Variants in SLC39A9 observed in about 807,000 individuals in gnomAD.
SLC39A9 encodes the protein zinc transporter ZIP9.
SLC39A9 carries 14 observed loss-of-function variants against 28.4 expected under a neutral mutation model. That is an observed-to-expected ratio of 0.49 (90% CI 0.33 to 0.77). The LOEUF is 0.77. Ranked by LOEUF, SLC39A9 falls within the 30% of genes least tolerant of loss-of-function variation. SLC39A9 has a pLI of 0.02. For missense variants in SLC39A9, 283 were observed against 381.1 expected (o/e 0.74, Z 2.14); for synonymous variants, 119 against 149.6 (o/e 0.80, Z 1.49).
chr14:69,447,522 A>G (rs570499288), intron 3 of SLC39A9, among the ~76,000 whole-genome samples: 1 of 152,270 alleles, frequency 6.6e-6, no homozygotes, highest in Admixed American at 6.5e-5. Flanking sequence ...AACGAAGAGA[A>G]ACTCAGCCCC....
chr14:69,461,286 A>C lies in SLC39A9; in HGVS notation c.*2693A>C, dbSNP rs1347286757. The C allele has an allele frequency of 1.0e-6, 1 of 996,744 alleles. No individual in the cohort carries two copies. Among genetic ancestry groups the C allele is most frequent in the African/African-American group, 1.7e-5 (1 of 57,724 alleles). The allele number at this position is 996,744 out of a possible 1,614,324, so 61.7% of individuals were successfully genotyped here. A position where few individuals can be genotyped will look rare whatever the true frequency, so the allele number is the denominator to read the frequency against. On this transcript the variant is annotated 3_prime_UTR_variant, in exon 7 of 7. Coordinates refer to ENST00000336643, the MANE Select transcript of SLC39A9 (RefSeq NM_018375.5). ...ATTCCAAGTGCTCTCTTAAATGGCA[A>C]ATTAAGTTAAAGAATACTACTGCTC...
At chr14:69,432,856 T>C (rs560529908) in intron 2 of SLC39A9, among the ~76,000 whole-genome samples, 7 of 152,336 alleles carry the variant, frequency 4.6e-5, no homozygotes, top group Non-Finnish European at 1.0e-4. Context: ...TATATGGCTT[T>C]ATTTCTGGGT....
Position 69,424,163 on chromosome 14 carries a change from C to T in SLC39A9, c.166C>T (p.Pro56Ser). 3 of 1,613,746 alleles carry T rather than the reference C, an allele frequency of 1.9e-6. No homozygotes were observed. The highest frequency in any genetic ancestry group is 2.5e-6 in the Non-Finnish European group (3 of 1,179,768). ...LCGTALAVIV[P>S]EGVHALYEDI... ...TGGAACTGCTCTGGCAGTCATCGTGCCTGAAGGAGTACATGCCCTTTATGA... is the reference window on the plus strand; with the variant it reads ...TGGAACTGCTCTGGCAGTCATCGTGTCTGAAGGAGTACATGCCCTTTATGA... The change falls in exon 2 of 7, where the codon CCT becomes TCT. Residue 56 changes from proline (P) to serine (S), a missense_variant. Physicochemically the swap from Pro to Ser is moderately conservative, Grantham distance 74. Coordinates refer to ENST00000336643, the MANE Select transcript of SLC39A9 (RefSeq NM_018375.5).
chr14:69,456,006 T>C, intron 6 of SLC39A9, 140 bp downstream of exon 6: 4 of 974,858 alleles, frequency 4.1e-6, no homozygotes, highest in Non-Finnish European at 5.9e-6. Context: ...ACAGGGTAAA[T>C]ATCTTAATTC....
intron 3 of SLC39A9, among the ~76,000 whole-genome samples, chr14:69,443,075 A>T (rs1020108000): frequency 7.9e-5 from 12 of 152,188 alleles, no homozygotes; most frequent in Admixed American, 3.3e-4. Flanking sequence ...AAGATCAATG[A>T]ATTTATCTTT....
At chr14:69,402,343 A>G (rs1882685477) in intron 1 of SLC39A9, among the ~76,000 whole-genome samples, 1 of 152,186 alleles carries the variant, frequency 6.6e-6, no homozygotes, top group Admixed American at 6.5e-5. Flanking sequence ...GAGTTGGACA[A>G]GCTTGATTTA....
At chr14:69,420,643 C>T (rs1396420703) in intron 1 of SLC39A9, among the ~76,000 whole-genome samples, 5 of 152,188 alleles carry the variant, frequency 3.3e-5, no homozygotes, top group Non-Finnish European at 7.3e-5. Flanking sequence ...ACCAATCAAA[C>T]GTAGATTTGG....
At chr14:69,403,494 A>T (rs1405763215) in intron 1 of SLC39A9, among the ~76,000 whole-genome samples, 1 of 152,208 alleles carries the variant, frequency 6.6e-6, no homozygotes, top group Non-Finnish European at 1.5e-5. Context: ...CTGGTAAAGG[A>T]TCAGTTTTTG....
intron 1 of SLC39A9, among the ~76,000 whole-genome samples, chr14:69,419,381 T>A (rs913190683): frequency 6.6e-6 from 1 of 152,234 alleles, no homozygotes; most frequent in Non-Finnish European, 1.5e-5. Flanking sequence ...TATTGTGATT[T>A]CTGTTCTTTT....
rs1333747159 is a variant in SLC39A9, at chr14:69,460,615, T to A, written c.*2022T>A. 1.0e-6 allele frequency: 1 copy of A among 985,370 alleles called. No individual in the cohort carries two copies. Among genetic ancestry groups the A allele is most frequent in the Non-Finnish European group, 1.2e-6 (1 of 829,962 alleles). The allele number at this position is 985,370 out of a possible 1,614,324, so 61.0% of individuals were successfully genotyped here. Reference sequence around the variant, plus strand: ...TGTGTGCAATGGTAATTTGTTCTACTGGCCAAAGCCTCTTTCAGCAGTGCC... The same window carrying A: ...TGTGTGCAATGGTAATTTGTTCTACAGGCCAAAGCCTCTTTCAGCAGTGCC... On this transcript the variant is annotated 3_prime_UTR_variant, in exon 7 of 7. Coordinates refer to ENST00000336643, the MANE Select transcript of SLC39A9 (RefSeq NM_018375.5).
chr14:69,457,252 G>A lies in SLC39A9; in HGVS notation c.694-1111G>A, dbSNP rs146753617. ...GGAATCTTGCCTGTCACCCAGGCTG[G>A]AGTACAATGGCGCAATCTTGGCTCA... On this transcript the variant is annotated intron_variant, in intron 6 of 6. Coordinates refer to ENST00000336643, the MANE Select transcript of SLC39A9 (RefSeq NM_018375.5). 2.9e-3 allele frequency among the ~76,000 whole-genome samples: 442 copies of A among 152,012 alleles called. 2 individuals carry two copies. Among genetic ancestry groups the A allele is most frequent in the African/African-American group, 0.01 (430 of 41,432 alleles).
intron 1 of SLC39A9, among the ~76,000 whole-genome samples, chr14:69,415,469 G>C (rs1883517732): frequency 6.6e-6 from 1 of 152,112 alleles, no homozygotes; most frequent in Non-Finnish European, 1.5e-5. Flanking sequence ...TTAATTGGTT[G>C]TTTGTCTTTT....
intron 2 of SLC39A9, among the ~76,000 whole-genome samples, chr14:69,433,240 T>C (rs1884581117): frequency 6.6e-6 from 1 of 152,186 alleles, no homozygotes; most frequent in Non-Finnish European, 1.5e-5. Flanking sequence ...ATGGAGTGAA[T>C]TGCAGTGATT....
At chr14:69,454,571 T>C in intron 4 of SLC39A9, 1 of 352,966 alleles carries the variant, frequency 2.8e-6, no homozygotes, top group Non-Finnish European at 5.1e-6. Context: ...ATAACTAACA[T>C]TGAATACTCT....
At chr14:69,457,428 C>G (rs1301464585) in intron 6 of SLC39A9, among the ~76,000 whole-genome samples, 1 of 152,122 alleles carries the variant, frequency 6.6e-6, no homozygotes, top group Non-Finnish European at 1.5e-5. Context: ...GTCTCGAACT[C>G]CTGACCTCGT....
At chr14:69,402,875 A>G (rs186917136) in intron 1 of SLC39A9, among the ~76,000 whole-genome samples, 1 of 152,304 alleles carries the variant, frequency 6.6e-6, no homozygotes, top group Non-Finnish European at 1.5e-5. Flanking sequence ...TGAGGTCAGG[A>G]GTTCGAGACC....
chr14:69,409,945 A>G (rs1193115866), intron 1 of SLC39A9, among the ~76,000 whole-genome samples: 1 of 152,134 alleles, frequency 6.6e-6, no homozygotes, highest in Non-Finnish European at 1.5e-5. Flanking sequence ...AACTGTACCA[A>G]TTTCATAGAG....
intron 2 of SLC39A9, among the ~76,000 whole-genome samples, chr14:69,434,043 C>A (rs186735544): frequency 5.3e-5 from 8 of 151,960 alleles, no homozygotes; most frequent in South Asian, 2.1e-4. Flanking sequence ...CCTCGGCCTC[C>A]CAAAGTGCTG....
chr14:69,414,373 A>T (rs1349727375), intron 1 of SLC39A9, among the ~76,000 whole-genome samples: 3 of 152,236 alleles, frequency 2.0e-5, no homozygotes, highest in South Asian at 2.1e-4. Flanking sequence ...TTGTGGGTTG[A>T]TCCAGAATTG....
Sources: gnomAD v4.1 joint callset for allele counts (sites outside exome capture counted in the v4.1 genomes callset) on GRCh38, gnomAD v4.1.1 for gene constraint, MANE v1.5 for transcripts, NCBI Gene and HGNC (gene_info 2026-07-23, HGNC 2026-07-21) for gene names.